The following LAMA2 variants were observed in gnomAD, a reference collection of about 807,000 sequenced individuals.
LAMA2 encodes the protein laminin subunit alpha 2, also known as laminin subunit alpha-2.
A neutral mutation model predicts 364.8 loss-of-function variants in LAMA2; 269 were observed. The observed-to-expected ratio is 0.74, with a 90% confidence interval of 0.67 to 0.82. LAMA2 has a LOEUF of 0.82. Among genes scored for constraint, LAMA2 ranks in the 40% least tolerant of loss-of-function variants. LAMA2 has a pLI of 0.00. For missense variants in LAMA2, 3,807 were observed against 3,873.2 expected, an observed-to-expected ratio of 0.98 and a Z score of 0.45; for synonymous variants, 1,379 against 1,370.6, an observed-to-expected ratio of 1.01 and a Z score of -0.14.
At chr6:128,987,717 A>G (rs1161335014) in intron 1 of LAMA2, among the ~76,000 whole-genome samples, 1 of 152,190 alleles carries the variant, frequency 6.6e-6, no homozygotes, top group Non-Finnish European at 1.5e-5. Context: ...ATTAAGACAC[A>G]GGTTTAATTC....
Position 129,287,837 on chromosome 6 carries a change from C to A in LAMA2, c.2538-10C>A. On this transcript the variant is annotated splice_polypyrimidine_tract_variant and intron_variant, in intron 18 of 64. Transcript: ENST00000421865. ...CCCCAAAGGCTCACTGATGAAATTT[C>A]TTGCCTTAGGTGTGCAGAAGGCTAT... The A allele has an allele frequency of 1.9e-6, 3 of 1,611,902 alleles. No individual in the cohort carries two copies. The highest frequency in any genetic ancestry group is 2.5e-6 in the Non-Finnish European group (3 of 1,178,148).
chr6:129,328,266 CT>C lies in LAMA2; in HGVS notation c.4177-8del. On this transcript the variant is annotated splice_polypyrimidine_tract_variant and intron_variant, in intron 28 of 64. Coordinates refer to ENST00000421865, the MANE Select transcript of LAMA2 (RefSeq NM_000426.4). ...TAACTTTGCTGTCCTAATTGGCTTC[CT>C]TTTCTTTCAGGCATGCTTGCCGGGA... The C allele has an allele frequency of 6.2e-7, 1 of 1,613,710 alleles. No homozygotes were observed. The highest frequency in any genetic ancestry group is 1.7e-5 in the Admixed American group (1 of 60,020).
chr6:129,356,699 T>C (rs1777171145), intron 32 of LAMA2, among the ~76,000 whole-genome samples: 2 of 152,118 alleles, frequency 1.3e-5, no homozygotes, highest in Admixed American at 1.3e-4. Context: ...ATTCATTTAC[T>C]GCTTCCATGT....
At chr6:129,418,092 A>T (rs1780892149) in intron 40 of LAMA2, among the ~76,000 whole-genome samples, 1 of 152,142 alleles carries the variant, frequency 6.6e-6, no homozygotes, top group Non-Finnish European at 1.5e-5. Flanking sequence ...AGACAGGCTG[A>T]CACTGCCATT....
intron 41 of LAMA2, among the ~76,000 whole-genome samples, chr6:129,437,802 C>A (rs1781907074): frequency 6.6e-6 from 1 of 151,932 alleles, no homozygotes; most frequent in Admixed American, 6.6e-5. Context: ...AGTAAGATTT[C>A]TAAACTTATA....
intron 12 of LAMA2, among the ~76,000 whole-genome samples, chr6:129,225,434 A>C (rs1478001579): frequency 1.3e-5 from 2 of 152,052 alleles, no homozygotes; most frequent in Non-Finnish European, 2.9e-5. Flanking sequence ...TTAGGGTGTC[A>C]ATTTTGGATC....
chr6:128,988,464 G>T (rs1487987319), intron 1 of LAMA2, among the ~76,000 whole-genome samples: 3 of 152,122 alleles, frequency 2.0e-5, no homozygotes, highest in Admixed American at 2.0e-4. Flanking sequence ...GGGTGTTTGG[G>T]TTATTTTCTA....
intron 10 of LAMA2, among the ~76,000 whole-genome samples, chr6:129,179,068 T>G (rs549837361): frequency 3.9e-4 from 59 of 152,196 alleles, no homozygotes; most frequent in Non-Finnish European, 7.5e-4. Flanking sequence ...TCCAATATTA[T>G]CTGAAATGAA....
intron 1 of LAMA2, among the ~76,000 whole-genome samples, chr6:128,904,929 G>A (rs746153092): frequency 3.3e-5 from 5 of 152,066 alleles, no homozygotes; most frequent in Non-Finnish European, 5.9e-5. Context: ...ACAGAATAAC[G>A]TCTCTTTTCC....
intron 4 of LAMA2, among the ~76,000 whole-genome samples, chr6:129,125,384 A>G (rs548686028): frequency 6.6e-5 from 10 of 152,184 alleles, no homozygotes; most frequent in Non-Finnish European, 8.8e-5. Context: ...GAGACTGCAT[A>G]ATATCACCCA....
chr6:129,295,672 TATA>T lies in LAMA2; in HGVS notation c.2857-2010_2857-2008del, dbSNP rs550292912. ...ACTTTGGAATTTTTAAAATGATAGC[TATA>T]ATTTGGAATCTCATTTGATATTTGA... is the stretch of plus-strand genomic sequence containing the variant. On this transcript the variant is annotated intron_variant, in intron 20 of 64. Transcript: ENST00000421865. 6.6e-4 allele frequency among the ~76,000 whole-genome samples: 100 copies of T among 152,144 alleles called. 1 individual carries two copies. The highest frequency in any genetic ancestry group is 2.3e-3 in the African/African-American group (97 of 41,546).
intron 1 of LAMA2, among the ~76,000 whole-genome samples, chr6:128,949,415 G>T (rs747673187): frequency 1.2e-4 from 18 of 151,782 alleles, no homozygotes; most frequent in Non-Finnish European, 2.2e-4. Context: ...ATTGACTGAT[G>T]AATTAACCCT....
intron 14 of LAMA2, among the ~76,000 whole-genome samples, chr6:129,258,676 A>T (rs1786880088): frequency 6.6e-6 from 1 of 152,080 alleles, no homozygotes. Flanking sequence ...GAAAATTTTC[A>T]TCCTACCCCA....
chr6:128,883,414 TTCTTCCAC>T (rs1775930550), intron 1 of LAMA2, 57 bp downstream of exon 1: 1 of 1,546,506 alleles, frequency 6.5e-7, no homozygotes, highest in Non-Finnish European at 8.7e-7. Flanking sequence ...GATTCCTCAC[TTCTTCCAC>T]TCTTCCGAGA....
At chr6:129,458,163 G>C (rs1262437198) in intron 48 of LAMA2, among the ~76,000 whole-genome samples, 1 of 152,080 alleles carries the variant, frequency 6.6e-6, no homozygotes, top group East Asian at 1.9e-4. Context: ...TTTGAACATA[G>C]GTTAATAGGC....
chr6:129,217,188 A>G lies in LAMA2; in HGVS notation c.1782+24335A>G, dbSNP rs573181460. ...TGGTGACAGAGCGAGACTCCATCTC[A>G]AAAAAAAAATAATAATAATAATAAG... On this transcript the variant is annotated intron_variant, in intron 12 of 64. Transcript: ENST00000421865. Among the ~76,000 whole-genome samples, 33 of 23,170 alleles carry G rather than the reference A, an allele frequency of 1.4e-3. 2 individuals carry two copies. The highest frequency in any genetic ancestry group is 2.0e-3 in the African/African-American group (32 of 15,680). The allele number at this position is 23,170 out of a possible 152,430, so 15.2% of individuals were successfully genotyped here.
intron 1 of LAMA2, among the ~76,000 whole-genome samples, chr6:128,903,123 C>T (rs1453893058): frequency 6.6e-6 from 1 of 151,906 alleles, no homozygotes; most frequent in African/African-American, 2.4e-5. Context: ...CTGATGTTAA[C>T]ATCTAGTATG....
At chr6:128,895,639 C>T (rs151142247) in intron 1 of LAMA2, among the ~76,000 whole-genome samples, 5 of 152,146 alleles carry the variant, frequency 3.3e-5, no homozygotes, top group African/African-American at 1.2e-4. Flanking sequence ...CAGAGCGAGA[C>T]TCCGTGAACT....
chr6:129,462,680 C>A (rs1783318802), intron 49 of LAMA2, among the ~76,000 whole-genome samples: 1 of 151,760 alleles, frequency 6.6e-6, no homozygotes, highest in South Asian at 2.1e-4. Flanking sequence ...GCAGGTCAGC[C>A]CCAACCCTAT....
Sources: allele counts gnomAD v4.1 joint callset (sites outside exome capture counted in the v4.1 genomes callset), GRCh38; gene constraint gnomAD v4.1.1; transcripts MANE v1.5; gene names NCBI Gene and HGNC (gene_info 2026-07-23, HGNC 2026-07-21).